Variants in TBC1D5 observed in about 807,000 individuals in gnomAD.
TBC1D5 encodes TBC1 domain family, member 5.
In TBC1D5, 75 loss-of-function variants were observed where a neutral mutation model predicts 100.3. That is an observed-to-expected ratio of 0.75 (90% confidence interval 0.62 to 0.91). TBC1D5 has a LOEUF of 0.91. Ranked by LOEUF, TBC1D5 falls within the 40% of genes least tolerant of loss-of-function variation. The probability of loss-of-function intolerance (pLI) is 0.00; values close to 1 mark genes in which losing one functional copy is unlikely to be tolerated. For synonymous variants in TBC1D5, 323 were observed against 325.6 expected (o/e 0.99, Z 0.09); for missense variants, 910 against 942.4 (o/e 0.97, Z 0.45).
At chr3:17,477,634 C>A (rs1411810852) in intron 3 of TBC1D5, among the ~76,000 whole-genome samples, 3 of 151,860 alleles carry the variant, frequency 2.0e-5, no homozygotes, top group African/African-American at 7.2e-5. Context: ...ATCAAATAAC[C>A]AACTTTTCTC....
chr3:17,456,206 A>C (rs1392923957), intron 3 of TBC1D5, among the ~76,000 whole-genome samples: 1 of 152,218 alleles, frequency 6.6e-6, no homozygotes, highest in Non-Finnish European at 1.5e-5. Context: ...CCACAAAAAA[A>C]AATCTGGGAA....
intron 2 of TBC1D5, among the ~76,000 whole-genome samples, chr3:17,610,478 C>A (rs925330042): frequency 6.6e-6 from 1 of 152,088 alleles, no homozygotes; most frequent in Non-Finnish European, 1.5e-5. Flanking sequence ...TGAGCCACTG[C>A]GCCCAGCCTC....
chr3:17,580,731 T>A (rs1402578184), intron 2 of TBC1D5, among the ~76,000 whole-genome samples: 1 of 152,170 alleles, frequency 6.6e-6, no homozygotes, highest in African/African-American at 2.4e-5. Flanking sequence ...GAATTGTCCA[T>A]CTTTAACTTC....
exon 20 of TBC1D5, chr3:17,167,822 A>G (rs756395530): frequency 1.6e-5 from 26 of 1,596,624 alleles, no homozygotes; most frequent in Non-Finnish European, 2.2e-5. Context: ...CACATCTTGA[A>G]TATTTACTGA....
intron 21 of TBC1D5, among the ~76,000 whole-genome samples, chr3:17,165,200 T>A (rs1161018097): frequency 6.6e-6 from 1 of 152,152 alleles, no homozygotes; most frequent in African/African-American, 2.4e-5. Flanking sequence ...GCAGCAGTGG[T>A]CATTGGTAGG....
At position 17,408,119 on chromosome 3, in the gene TBC1D5, G is replaced by A. The variant is rs566841463; in HGVS notation, c.168-1593C>T. On this transcript the variant is annotated intron_variant, in intron 4 of 21. Transcript: ENST00000253692. ...GTAAGGAAAGCTACACAGCTCACTA[G>A]TTACTTACTAGATGTGCAAGCATGG... Among the ~76,000 whole-genome samples, 3 of 152,084 alleles carry A rather than the reference G, an allele frequency of 2.0e-5. No individual in the cohort carries two copies. The South Asian group carries it at 6.2e-4, about 32-fold the overall frequency.
chr3:17,514,522 T>C (rs1431155672), intron 2 of TBC1D5, among the ~76,000 whole-genome samples: 1 of 152,202 alleles, frequency 6.6e-6, no homozygotes, highest in African/African-American at 2.4e-5. Context: ...CTTATAATTT[T>C]CATGCTATCA....
intron 13 of TBC1D5, among the ~76,000 whole-genome samples, chr3:17,334,530 G>A (rs1575391089): frequency 6.6e-6 from 1 of 152,098 alleles, no homozygotes; most frequent in Admixed American, 6.6e-5. Context: ...ACATTACAGA[G>A]CTATGAAAAT....
chr3:17,735,022 G>A (rs541456050), intron 1 of TBC1D5, among the ~76,000 whole-genome samples: 1 of 152,266 alleles, frequency 6.6e-6, no homozygotes, highest in Admixed American at 6.5e-5. Flanking sequence ...GAGCCTAGGA[G>A]CTCAAGGACG....
intron 13 of TBC1D5, among the ~76,000 whole-genome samples, chr3:17,367,783 C>T (rs757118136): frequency 1.2e-4 from 18 of 151,556 alleles, no homozygotes; most frequent in Non-Finnish European, 2.4e-4. Flanking sequence ...TGCTTGAACC[C>T]GGGAGGCAGA....
intron 2 of TBC1D5, among the ~76,000 whole-genome samples, chr3:17,591,538 G>A (rs2096771921): frequency 6.6e-6 from 1 of 152,128 alleles, no homozygotes; most frequent in Non-Finnish European, 1.5e-5. Flanking sequence ...TGATTCCAGG[G>A]ACCCAAAACT....
intron 1 of TBC1D5, among the ~76,000 whole-genome samples, chr3:17,657,690 C>T (rs1029530440): frequency 3.9e-5 from 6 of 152,258 alleles, no homozygotes; most frequent in African/African-American, 1.4e-4. Context: ...GTGGCCAAGG[C>T]TTCCAAGTCC....
At chr3:17,306,675 T>C (rs1401862941) in intron 14 of TBC1D5, among the ~76,000 whole-genome samples, 1 of 152,180 alleles carries the variant, frequency 6.6e-6, no homozygotes, top group Non-Finnish European at 1.5e-5. Context: ...CTGTTTACAA[T>C]TACAGAAAAT....
chr3:17,511,063 T>G (rs907844927), intron 2 of TBC1D5, among the ~76,000 whole-genome samples: 4 of 152,000 alleles, frequency 2.6e-5, no homozygotes, highest in African/African-American at 4.8e-5. Flanking sequence ...ATGCAGCCTA[T>G]GAATAATTAG....
chr3:17,386,151 AT>A (rs1409301281), intron 8 of TBC1D5, among the ~76,000 whole-genome samples: 1 of 151,912 alleles, frequency 6.6e-6, no homozygotes, highest in Non-Finnish European at 1.5e-5. Context: ...GAGAGGTGAA[AT>A]TTTCTCTCCT....
intron 4 of TBC1D5, among the ~76,000 whole-genome samples, chr3:17,414,180 A>G (rs2094006728): frequency 6.6e-6 from 1 of 152,198 alleles, no homozygotes; most frequent in Non-Finnish European, 1.5e-5. Context: ...AAGTGGCTAC[A>G]GCAGGATGAA....
intron 18 of TBC1D5, among the ~76,000 whole-genome samples, chr3:17,206,705 T>C (rs2072235891): frequency 6.6e-6 from 1 of 152,162 alleles, no homozygotes; most frequent in Non-Finnish European, 1.5e-5. Flanking sequence ...ATGCATCCTG[T>C]TTTATGCAGA....
At chr3:17,168,435 A>T (rs1217616608) in intron 19 of TBC1D5, among the ~76,000 whole-genome samples, 1 of 152,130 alleles carries the variant, frequency 6.6e-6, no homozygotes, top group Non-Finnish European at 1.5e-5. Flanking sequence ...GCCTGATCTG[A>T]GGGACCCACC....
chr3:17,610,462 C>T (rs997823914), intron 2 of TBC1D5, among the ~76,000 whole-genome samples: 12 of 152,190 alleles, frequency 7.9e-5, no homozygotes, highest in Admixed American at 7.2e-4. Flanking sequence ...GCTGGGATTA[C>T]GGGCATGAGC....
Sources: gnomAD v4.1 joint callset for allele counts (sites outside exome capture counted in the v4.1 genomes callset) on GRCh38, gnomAD v4.1.1 for gene constraint, MANE v1.5 for transcripts, NCBI Gene and HGNC (gene_info 2026-07-23, HGNC 2026-07-21) for gene names.